Variants in ARHGAP4 observed in about 807,000 individuals in gnomAD.
ARHGAP4 encodes the protein rho GTPase-activating protein 4.
A neutral mutation model predicts 67.6 loss-of-function variants in ARHGAP4; 25 were observed. The ratio of observed to expected loss-of-function variants is 0.37; its 90% CI spans 0.27 to 0.52. ARHGAP4 has a LOEUF of 0.52. Ranked by LOEUF, ARHGAP4 falls within the 20% of genes least tolerant of loss-of-function variation. The pLI is 0.92. For synonymous variants in ARHGAP4, 448 were observed against 373.7 expected (o/e 1.20, Z -2.29); for missense variants, 804 against 854.6 (o/e 0.94, Z 0.74).
Position 153,920,640 on chromosome X carries a change from TCCCTC to T in ARHGAP4, c.662_666del (p.Gly221GlufsTer27). On this transcript the variant is annotated frameshift_variant, in exon 5 of 22. Transcript: ENST00000350060. LOFTEE classifies it high-confidence loss of function. ...TCCAGGCCCACCTTCTCCACCAGCC[TCCCTC>T]CCTTCTTGAGGGAGCTCTTGCGGAG... 1 of 1,205,758 alleles carries T rather than the reference TCCCTC, an allele frequency of 8.3e-7. No homozygotes were observed. Among genetic ancestry groups the T allele is most frequent in the Non-Finnish European group, 1.1e-6 (1 of 892,399 alleles).
intron 4 of ARHGAP4, 30 bp downstream of exon 4, chrX:153,921,067 G>A: frequency 8.4e-7 from 1 of 1,190,722 alleles, no homozygotes; most frequent in Non-Finnish European, 1.1e-6. Context: ...TGGACCATTG[G>A]GGCAGGCCCC....
chrX:153,919,976 G>A (rs1557104917), intron 5 of ARHGAP4, among the ~76,000 whole-genome samples: 1 of 110,559 alleles, frequency 9.0e-6, no homozygotes, highest in East Asian at 2.8e-4. Flanking sequence ...TAGTAGAGAT[G>A]GGGTTTCACC....
intron 5 of ARHGAP4, chrX:153,919,676 G>T (rs782512927): frequency 8.6e-7 from 1 of 1,161,846 alleles, no homozygotes; most frequent in Admixed American, 2.6e-5. Context: ...AGGCCTCTGC[G>T]GGGGCCAGAG....
At chrX:153,912,311 C>T (rs1157861159) in intron 12 of ARHGAP4, among the ~76,000 whole-genome samples, 2 of 111,424 alleles carry the variant, frequency 1.8e-5, no homozygotes, top group East Asian at 2.8e-4. Context: ...TGTGAGCCAC[C>T]GTGCCTGGCC....
chrX:153,910,904 CGCCCTGCCCGT>C lies in ARHGAP4; in HGVS notation c.1681+7_1681+17del. Reference sequence around the variant, plus strand: ...ATCTGCCCGAGCCCCCACCCCCGCCCGCCCTGCCCGTCCCCACCTCTCTCGAAGGCATCACG... The same window carrying C: ...ATCTGCCCGAGCCCCCACCCCCGCCCCCCCACCTCTCTCGAAGGCATCACG... On this transcript the variant is annotated splice_region_variant and intron_variant, in intron 14 of 21. Coordinates refer to ENST00000350060, the MANE Select transcript of ARHGAP4 (RefSeq NM_001666.5). 8.8e-7 allele frequency: 1 copy of C among 1,138,099 alleles called. No individual in the cohort carries two copies. 93.8% of individuals were successfully genotyped at this position (1,138,099 alleles called of 1,213,427 possible).
intron 21 of ARHGAP4, 33 bp downstream of exon 21, chrX:153,909,037 G>C (rs1171467034): frequency 9.3e-6 from 11 of 1,181,372 alleles, no homozygotes; most frequent in Non-Finnish European, 1.1e-5. Context: ...CCCCAGGACA[G>C]ATGTCCCTCA....
rs140407938 is a variant in ARHGAP4 at position 153,910,347 on chromosome X, G to A, written c.1980C>T (p.Phe660=). ...MMDPYNLAVC[F]GPTLLPVPAG... is the part of the protein sequence containing the mutation. ...CGGGCACCGGTAGCAGCGTGGGCCC[G>A]AAGCACACGGCCAGGTTGTAGGGGT... Residue 660 remains phenylalanine (F), a synonymous_variant, in exon 17 of 22, where the codon TTC becomes TTT. Coordinates refer to ENST00000350060, the MANE Select transcript of ARHGAP4 (RefSeq NM_001666.5). The A allele has an allele frequency of 2.2e-4, 270 of 1,205,587 alleles. No homozygotes were observed. The African/African-American group carries it at 3.0e-3, about 13-fold the overall frequency.
intron 10 of ARHGAP4, 39 bp downstream of exon 10, chrX:153,913,179 G>T (rs782628813): frequency 8.6e-7 from 1 of 1,164,155 alleles, no homozygotes; most frequent in South Asian, 1.9e-5. Flanking sequence ...AGGGTCCTGG[G>T]CAGGGGAGAG....
chrX:153,915,213 G>A (rs1342515549), intron 7 of ARHGAP4, among the ~76,000 whole-genome samples: 1 of 38,612 alleles, frequency 2.6e-5, no homozygotes, highest in Non-Finnish European at 4.9e-5. Flanking sequence ...ACAGTGGAAG[G>A]GTGGGTGCCA....
chrX:153,921,471 G>A lies in ARHGAP4; in HGVS notation c.329C>T (p.Thr110Met), dbSNP rs1557105306. 5.0e-6 allele frequency: 6 copies of A among 1,202,240 alleles called. No individual in the cohort carries two copies. The highest frequency in any genetic ancestry group is 6.7e-6 in the Non-Finnish European group (6 of 891,259). ...LHCWAVLLQH[T>M]RQQSRESAAL... ...CGCGCTCTCCCGGCTCTGCTGCCGC[G>A]TGTGCTGCAGCAGCACCGCCCAGCA... Residue 110 changes from threonine to methionine, a missense_variant, in exon 3 of 22, where the codon ACG becomes ATG. This residue lies in a region of ARHGAP4 where 404 missense variants were observed against 505.9 expected (regional missense o/e 0.80). Coordinates refer to ENST00000350060, the MANE Select transcript of ARHGAP4 (RefSeq NM_001666.5).
intron 1 of ARHGAP4, among the ~76,000 whole-genome samples, chrX:153,924,721 T>C (rs186653085): frequency 9.0e-6 from 1 of 111,514 alleles, no homozygotes; most frequent in Non-Finnish European, 1.9e-5. Flanking sequence ...ACAGCACAGA[T>C]GTATAGGAAA....
At chrX:153,912,643 G>C in intron 12 of ARHGAP4, 57 bp downstream of exon 12, 1 of 1,033,432 alleles carries the variant, frequency 9.7e-7, no homozygotes, top group Non-Finnish European at 1.3e-6. Flanking sequence ...AGGTGACCCA[G>C]AGCTGAAGAA....
chrX:153,920,411 G>T, intron 5 of ARHGAP4: 1 of 435,327 alleles, frequency 2.3e-6, no homozygotes, highest in Non-Finnish European at 3.9e-6. Flanking sequence ...TGGGAGCATG[G>T]AGAGGCTGCA....
rs1557102877 is a variant in ARHGAP4, at chrX:153,910,605, T to C, written c.1823A>G (p.Glu608Gly). 1 of 1,203,681 alleles carries C rather than the reference T, an allele frequency of 8.3e-7. No individual in the cohort carries two copies. The highest frequency in any genetic ancestry group is 1.1e-6 in the Non-Finnish European group (1 of 892,381). Reference protein sequence around the residue: ...FGELLASSELEATAERVEHVS... With the variant: ...FGELLASSELGATAERVEHVS... ...GTGCTCCACCCTCTCCGCTGTGGCCTCCAGCTCTGTGGCCAAAGCCGCCCA... is the reference window on the plus strand; with the variant it reads ...GTGCTCCACCCTCTCCGCTGTGGCCCCCAGCTCTGTGGCCAAAGCCGCCCA... The change falls in exon 16 of 22, where the codon GAG becomes GGG. Residue 608 changes from glutamate to glycine, a missense_variant. By Grantham distance (98) the Glu-to-Gly change is moderately conservative. Transcript: ENST00000350060.
intron 16 of ARHGAP4, 36 bp from the exon 17 acceptor site, chrX:153,910,440 C>T: frequency 8.5e-7 from 1 of 1,177,726 alleles, no homozygotes; most frequent in Non-Finnish European, 1.1e-6. Flanking sequence ...AGAGAGCCCG[C>T]ACCCCGAGTC....
intron 7 of ARHGAP4, among the ~76,000 whole-genome samples, chrX:153,915,436 G>C (rs1201084967): frequency 2.7e-5 from 3 of 111,399 alleles, no homozygotes; most frequent in Admixed American, 9.5e-5. Context: ...AGGCTGGACT[G>C]GCTCACACCT....
rs1316673199 is a variant in ARHGAP4 at position 153,909,992 on chromosome X, T to C, written c.2230+20A>G. ...CACTAGGGTGGGGACAGGGTGGGGCTCTCTGCCCATCGCCCTCACCATCCT... is the reference window on the plus strand; with the variant it reads ...CACTAGGGTGGGGACAGGGTGGGGCCCTCTGCCCATCGCCCTCACCATCCT... On this transcript the variant is annotated intron_variant, in intron 18 of 21. Transcript: ENST00000350060. 4 of 1,208,719 alleles carry C rather than the reference T, an allele frequency of 3.3e-6. No homozygotes were observed. In the African/African-American group the frequency reaches 5.2e-5, roughly 16 times the overall value.
Position 153,910,534 on chromosome X carries a change from G to C in ARHGAP4, c.1894C>G (p.Leu632Val). The C allele has an allele frequency of 8.3e-7, 1 of 1,203,535 alleles. No individual in the cohort carries two copies. The highest frequency in any genetic ancestry group is 1.8e-5 in the African/African-American group (1 of 57,015). ...WRLPAPVLVV[L>V]RYLFTFLNHL... is the part of the protein sequence containing the mutation. ...TTGAGGAAGGTGAAGAGGTAGCGCA[G>C]AACCACCAGCACCGGCGCGGGCAGC... The change falls in exon 16 of 22, where the codon CTG (leucine) becomes GTG (valine). Residue 632 changes from leucine to valine, a missense_variant. By Grantham distance (32) the Leu-to-Val change is conservative (BLOSUM62 1). This residue lies in a region of ARHGAP4 where 400 missense variants were observed against 348.7 expected (regional missense o/e 1.15). Transcript: ENST00000350060.
At chrX:153,910,443 C>T (rs782097095) in intron 16 of ARHGAP4, 39 bp from the exon 17 acceptor site, 6 of 1,169,501 alleles carry the variant, frequency 5.1e-6, no homozygotes, top group Non-Finnish European at 5.8e-6. Flanking sequence ...GAGCCCGCAC[C>T]CCGAGTCCCC....
Sources: gnomAD v4.1 joint callset for allele counts (sites outside exome capture counted in the v4.1 genomes callset) on GRCh38, gnomAD v4.1.1 for gene constraint, gnomAD v4.1.1 regional missense constraint, MANE v1.5 for transcripts, NCBI Gene and HGNC (gene_info 2026-07-23, HGNC 2026-07-21) for gene names.